Variants in HPSE2 observed in about 807,000 individuals in gnomAD.
HPSE2 encodes inactive heparanase-2.
HPSE2 carries 38 observed loss-of-function variants against 60.5 expected under a neutral mutation model. The ratio of observed to expected loss-of-function variants is 0.63; its 90% CI spans 0.48 to 0.82. The LOEUF is 0.82. Among genes scored for constraint, HPSE2 ranks in the 40% least tolerant of loss-of-function variants. HPSE2 has a pLI of 0.00. For missense variants in HPSE2, 713 were observed against 740.4 expected (o/e 0.96, Z 0.43); for synonymous variants, 295 against 293.2 (o/e 1.01, Z -0.06).
intron 2 of HPSE2, among the ~76,000 whole-genome samples, chr10:99,181,376 C>T (rs1463011937): frequency 4.0e-5 from 5 of 125,806 alleles, no homozygotes; most frequent in African/African-American, 1.7e-4. Flanking sequence ...CCAGCCTGGG[C>T]GACAGAGCGA....
intron 2 of HPSE2, among the ~76,000 whole-genome samples, chr10:99,210,322 C>T (rs548710140): frequency 1.8e-4 from 27 of 152,260 alleles, no homozygotes; most frequent in African/African-American, 6.3e-4. Context: ...CGACAGCTTC[C>T]CTGCTAAATT....
chr10:99,101,868 C>T (rs1844008124), intron 3 of HPSE2, among the ~76,000 whole-genome samples: 1 of 152,170 alleles, frequency 6.6e-6, no homozygotes, highest in Non-Finnish European at 1.5e-5. Context: ...ACTGAACAAC[C>T]TGCTCCTGAA....
rs79685228 is a variant in HPSE2, at chr10:98,814,749, G to A, written c.611-70693C>T. 5.6e-3 allele frequency among the ~76,000 whole-genome samples: 848 copies of A among 152,294 alleles called. 6 individuals carry two copies. Among genetic ancestry groups the A allele is most frequent in the African/African-American group, 0.02 (812 of 41,562 alleles). On this transcript the variant is annotated intron_variant, in intron 3 of 11. Coordinates refer to ENST00000370552, the MANE Select transcript of HPSE2 (RefSeq NM_021828.5). ...GAGTTTTATTAATTTAACTATGGCAGACAATTCTCTTCAGCAGTAGGGAGA... is the reference window on the plus strand; with the variant it reads ...GAGTTTTATTAATTTAACTATGGCAAACAATTCTCTTCAGCAGTAGGGAGA...
intron 3 of HPSE2, among the ~76,000 whole-genome samples, chr10:99,095,108 C>T (rs1007639567): frequency 1.3e-5 from 2 of 151,848 alleles, no homozygotes; most frequent in East Asian, 3.9e-4. Flanking sequence ...ATCACCTGAG[C>T]CCAGGAGTTC....
chr10:99,022,808 C>G (rs1051187327), intron 3 of HPSE2, among the ~76,000 whole-genome samples: 1 of 152,120 alleles, frequency 6.6e-6, no homozygotes, highest in Non-Finnish European at 1.5e-5. Flanking sequence ...TACCTGCTAA[C>G]TGAAGAGCCT....
At chr10:99,186,846 G>A (rs895072003) in intron 2 of HPSE2, among the ~76,000 whole-genome samples, 42 of 152,066 alleles carry the variant, frequency 2.8e-4, no homozygotes, top group African/African-American at 9.2e-4. Context: ...ACACAGTCAC[G>A]GCTCACTGCA....
intron 3 of HPSE2, among the ~76,000 whole-genome samples, chr10:99,096,211 A>G (rs923427256): frequency 6.8e-4 from 103 of 152,332 alleles, no homozygotes; most frequent in African/African-American, 2.4e-3. Context: ...AAATAAATCT[A>G]TAAATTTAAT....
intron 11 of HPSE2, among the ~76,000 whole-genome samples, chr10:98,475,311 G>A (rs1457170052): frequency 1.3e-5 from 2 of 151,936 alleles, no homozygotes; most frequent in Non-Finnish European, 2.9e-5. Context: ...TAGTACAGAC[G>A]GGGTTTCACC....
chr10:98,831,283 G>C (rs1167950326), intron 3 of HPSE2, among the ~76,000 whole-genome samples: 2 of 152,120 alleles, frequency 1.3e-5, no homozygotes, highest in African/African-American at 2.4e-5. Context: ...TCCTGAAGAA[G>C]AATATGCATT....
rs560786412 is a variant in HPSE2 at position 99,219,337 on chromosome 10, A to C, written c.448+13011T>G. On this transcript the variant is annotated intron_variant, in intron 2 of 11. Coordinates refer to ENST00000370552, the MANE Select transcript of HPSE2 (RefSeq NM_021828.5). ...GGATTCAAGTCCTAAGTCTCCAAGAATGTCATTCTACAGCCTCTTCAGGAG... is the reference window on the plus strand; with the variant it reads ...GGATTCAAGTCCTAAGTCTCCAAGACTGTCATTCTACAGCCTCTTCAGGAG... 7.2e-5 allele frequency among the ~76,000 whole-genome samples: 11 copies of C among 152,296 alleles called. No individual in the cohort carries two copies. In the South Asian group the frequency reaches 2.3e-3, roughly 32 times the overall value.
chr10:98,609,034 G>T (rs1007496144), intron 9 of HPSE2, among the ~76,000 whole-genome samples: 1 of 152,168 alleles, frequency 6.6e-6, no homozygotes, highest in African/African-American at 2.4e-5. Flanking sequence ...TAATGCCTCT[G>T]TACTTTAAAT....
chr10:99,056,805 C>A (rs1958125403), intron 3 of HPSE2, among the ~76,000 whole-genome samples: 1 of 151,894 alleles, frequency 6.6e-6, no homozygotes, highest in African/African-American at 2.4e-5. Context: ...TTATCATAAT[C>A]AAAACTTTCT....
intron 9 of HPSE2, among the ~76,000 whole-genome samples, chr10:98,507,437 C>T (rs1035777276): frequency 6.6e-6 from 1 of 152,114 alleles, no homozygotes; most frequent in Admixed American, 6.5e-5. Context: ...AATTGTTTTA[C>T]CCAAAGAGAG....
intron 2 of HPSE2, among the ~76,000 whole-genome samples, chr10:99,220,158 A>G (rs1366256758): frequency 6.6e-6 from 1 of 152,232 alleles, no homozygotes; most frequent in African/African-American, 2.4e-5. Flanking sequence ...CAAAGAATGT[A>G]CTATAGTTAT....
intron 2 of HPSE2, among the ~76,000 whole-genome samples, chr10:99,193,651 G>C (rs1380762605): frequency 6.6e-6 from 1 of 151,988 alleles, no homozygotes; most frequent in Admixed American, 6.6e-5. Context: ...ATATCACATG[G>C]AATAGATTTC....
chr10:99,231,139 C>G (rs1487786770), intron 2 of HPSE2, among the ~76,000 whole-genome samples: 1 of 152,144 alleles, frequency 6.6e-6, no homozygotes, highest in African/African-American at 2.4e-5. Context: ...CCCTCTTTCT[C>G]TATTCTGGCA....
chr10:98,740,186 T>C (rs12412147), intron 4 of HPSE2, among the ~76,000 whole-genome samples: 5,733 of 151,634 alleles, frequency 0.038, 247 homozygotes, highest in East Asian at 0.17. Flanking sequence ...TTGTCTTTTT[T>C]TTTTTTTGAG....
chr10:99,302,851 A>G, the HPSE2 span, among the ~76,000 whole-genome samples: 1 of 151,196 alleles, frequency 6.6e-6, no homozygotes, highest in Non-Finnish European at 1.5e-5. Flanking sequence ...AAATCTGTAC[A>G]ATATCGAGGG....
chr10:99,079,260 C>A (rs1843049891), intron 3 of HPSE2, among the ~76,000 whole-genome samples: 2 of 151,980 alleles, frequency 1.3e-5, no homozygotes, highest in African/African-American at 4.8e-5. Flanking sequence ...CCAGCTCTTT[C>A]CCTCCCCAGA....
Sources: allele counts gnomAD v4.1 joint callset (sites outside exome capture counted in the v4.1 genomes callset), GRCh38; gene constraint gnomAD v4.1.1; transcripts MANE v1.5; gene names NCBI Gene and HGNC (gene_info 2026-07-23, HGNC 2026-07-21).